Variants in TMEM132D observed in about 807,000 individuals in gnomAD.
TMEM132D encodes the protein mature OL transmembrane protein.
TMEM132D carries 21 observed loss-of-function variants against 62.3 expected under a neutral mutation model. That is an observed-to-expected ratio of 0.34 (90% CI 0.24 to 0.49). The LOEUF is 0.49. Ranked by LOEUF, TMEM132D falls within the 20% of genes least tolerant of loss-of-function variation. The pLI is 0.99. For synonymous variants in TMEM132D, 621 were observed against 575.6 expected, an observed-to-expected ratio of 1.08 and a Z score of -1.13; for missense variants, 1,346 against 1,402.8, an observed-to-expected ratio of 0.96 and a Z score of 0.65.
intron 5 of TMEM132D, among the ~76,000 whole-genome samples, chr12:129,160,634 G>A (rs150688468): frequency 9.9e-4 from 151 of 152,244 alleles, no homozygotes; most frequent in African/African-American, 3.3e-3. Flanking sequence ...TGACTTTTTA[G>A]TTACAAGAGC....
Position 129,722,032 on chromosome 12 carries a change from C to T in TMEM132D, c.80-21334G>A, listed in dbSNP as rs185526592. On this transcript the variant is annotated intron_variant, in intron 1 of 8. Transcript: ENST00000422113. ...ATTTCAGTCACTTTGCAGTTCCCTG[C>T]CTCACTGCTGTGGCCAGCTAAATGG... 1.1e-3 allele frequency among the ~76,000 whole-genome samples: 175 copies of T among 152,328 alleles called. 1 individual carries two copies. The highest frequency in any genetic ancestry group is 3.8e-3 in the African/African-American group (158 of 41,576).
chr12:129,870,609 C>T (rs1029630301), intron 1 of TMEM132D, among the ~76,000 whole-genome samples: 2 of 152,140 alleles, frequency 1.3e-5, no homozygotes, highest in Non-Finnish European at 2.9e-5. Flanking sequence ...CTCCATGTGG[C>T]GCTTCCTGAG....
At chr12:129,521,340 G>A (rs556372871) in intron 3 of TMEM132D, 2 of 152,124 alleles carry the variant, frequency 1.3e-5, no homozygotes, top group Admixed American at 6.6e-5. Context: ...AGAAGTAAAC[G>A]TCTTCAAAAT....
chr12:129,443,993 G>A (rs1379408216), intron 3 of TMEM132D, among the ~76,000 whole-genome samples: 1 of 152,124 alleles, frequency 6.6e-6, no homozygotes, highest in Non-Finnish European at 1.5e-5. Flanking sequence ...CAAGAAAATT[G>A]ACAAGCAATG....
intron 4 of TMEM132D, among the ~76,000 whole-genome samples, chr12:129,229,717 C>A (rs534791860): frequency 7.2e-5 from 11 of 152,270 alleles, no homozygotes; most frequent in Admixed American, 1.3e-4. Context: ...AATCAGTAAA[C>A]CTAAAAGTGG....
At chr12:129,377,944 GA>G (rs1870831101) in intron 3 of TMEM132D, among the ~76,000 whole-genome samples, 1 of 152,172 alleles carries the variant, frequency 6.6e-6, no homozygotes, top group Admixed American at 6.5e-5. Flanking sequence ...AGGTTTAAGC[GA>G]TAAAAGATTA....
chr12:129,880,113 C>T (rs1361323132), intron 1 of TMEM132D, among the ~76,000 whole-genome samples: 1 of 151,076 alleles, frequency 6.6e-6, no homozygotes, highest in African/African-American at 2.4e-5. Flanking sequence ...ATGTTGAGGG[C>T]AGCAAAAAAA....
At chr12:129,453,286 GA>G (rs1307450527) in intron 3 of TMEM132D, among the ~76,000 whole-genome samples, 1 of 152,156 alleles carries the variant, frequency 6.6e-6, no homozygotes, top group African/African-American at 2.4e-5. Context: ...CCTACTAAAC[GA>G]AGCCCATATC....
rs751674582 is a variant in TMEM132D, at chr12:129,075,079, A to AGTT, written c.2116-23_2116-21dup. On this transcript the variant is annotated intron_variant, in intron 8 of 8. Coordinates refer to ENST00000422113, the MANE Select transcript of TMEM132D (RefSeq NM_133448.3). ...TGCTTCCTATGGAGAAAAATATGTA[A>AGTT]GTTAATCAAATGGGCCAAAAAGCTC... 8 of 1,583,794 alleles carry AGTT rather than the reference A, an allele frequency of 5.1e-6. No individual in the cohort carries two copies. The highest frequency in any genetic ancestry group is 6.8e-6 in the Non-Finnish European group (8 of 1,169,656).
intron 5 of TMEM132D, among the ~76,000 whole-genome samples, chr12:129,144,486 G>C (rs1035502424): frequency 1.3e-5 from 2 of 152,132 alleles, no homozygotes; most frequent in Non-Finnish European, 2.9e-5. Context: ...AAAGCTCAGG[G>C]AGAAGAACTC....
chr12:129,094,947 C>G lies in TMEM132D; in HGVS notation c.1444-10245G>C, dbSNP rs538989451. Among the ~76,000 whole-genome samples, 764 of 150,430 alleles carry G rather than the reference C, an allele frequency of 5.1e-3. 4 individuals are homozygous for G. Among genetic ancestry groups the G allele is most frequent in the African/African-American group, 0.017 (694 of 40,842 alleles). On this transcript the variant is annotated intron_variant, in intron 5 of 8. Transcript: ENST00000422113. ...TATCGCAAGGACAAAAAACCAAACA[C>G]CGCATGTTCTCACTCATAGGTGGGA...
chr12:129,636,883 G>A lies in TMEM132D; in HGVS notation c.968+62927C>T, dbSNP rs189460830. ...TGACAATTGGAATTGTCAAGATTTA[G>A]GACTAATGTGGACCAGTTACACTGG... On this transcript the variant is annotated intron_variant, in intron 2 of 8. Transcript: ENST00000422113. 2.0e-5 allele frequency among the ~76,000 whole-genome samples: 3 copies of A among 152,126 alleles called. No homozygotes were observed. In the East Asian group the frequency reaches 5.8e-4, roughly 29 times the overall value.
intron 2 of TMEM132D, among the ~76,000 whole-genome samples, chr12:129,611,343 T>C (rs1008511456): frequency 4.6e-5 from 7 of 152,230 alleles, no homozygotes; most frequent in Admixed American, 3.3e-4. Context: ...TCAGTTTGCA[T>C]GCGGATTCTG....
chr12:129,397,683 T>C (rs1350298272), intron 3 of TMEM132D, among the ~76,000 whole-genome samples: 9 of 152,228 alleles, frequency 5.9e-5, no homozygotes, highest in African/African-American at 1.7e-4. Context: ...GATTGGTTGA[T>C]TGAATGATTT....
intron 4 of TMEM132D, among the ~76,000 whole-genome samples, chr12:129,282,807 T>C (rs7972567): frequency 6.6e-6 from 1 of 152,152 alleles, no homozygotes; most frequent in African/African-American, 2.4e-5. Flanking sequence ...TTGGAGGACA[T>C]AGCCAAAAGC....
chr12:129,157,043 A>C (rs1242510965), intron 5 of TMEM132D, among the ~76,000 whole-genome samples: 3 of 152,012 alleles, frequency 2.0e-5, no homozygotes, highest in African/African-American at 7.2e-5. Flanking sequence ...CCACCCCTAC[A>C]ATAATTAATC....
At chr12:129,198,313 G>T (rs1878603470) in intron 5 of TMEM132D, among the ~76,000 whole-genome samples, 1 of 152,070 alleles carries the variant, frequency 6.6e-6, no homozygotes, top group Non-Finnish European at 1.5e-5. Context: ...CCACTTCTGG[G>T]TATATACCCC....
chr12:129,446,912 C>T (rs2135724170), intron 3 of TMEM132D, among the ~76,000 whole-genome samples: 1 of 152,316 alleles, frequency 6.6e-6, no homozygotes, highest in African/African-American at 2.4e-5. Flanking sequence ...GAAATAAATG[C>T]TTCGGATATG....
At chr12:129,699,363 G>A (rs959207358) in intron 2 of TMEM132D, among the ~76,000 whole-genome samples, 4 of 152,100 alleles carry the variant, frequency 2.6e-5, no homozygotes, top group African/African-American at 9.7e-5. Context: ...ATTATACTTA[G>A]AACTTACATA....
Sources: gnomAD v4.1 joint callset for allele counts (sites outside exome capture counted in the v4.1 genomes callset) on GRCh38, gnomAD v4.1.1 for gene constraint, MANE v1.5 for transcripts, NCBI Gene and HGNC (gene_info 2026-07-23, HGNC 2026-07-21) for gene names.